The following MRPL46 variants were observed in gnomAD, a reference collection of about 807,000 sequenced individuals.
MRPL46 encodes mitochondrial ribosomal protein L46.
Under a neutral mutation model 31.0 loss-of-function variants are expected in MRPL46, and 26 were observed. The observed-to-expected ratio is 0.84, with a 90% confidence interval of 0.61 to 1.16. The LOEUF (loss-of-function observed/expected upper bound fraction) is 1.16. Among genes scored for constraint, MRPL46 ranks in the 50% most tolerant of loss-of-function variants. The pLI is 0.00. For missense variants in MRPL46, 395 were observed against 340.0 expected (o/e 1.16, Z -1.27); for synonymous variants, 159 against 141.3 (o/e 1.13, Z -0.89).
At chr15:88,464,092 G>C (rs2055500108) in intron 3 of MRPL46, 1 of 152,594 alleles carries the variant, frequency 6.6e-6, no homozygotes, top group African/African-American at 2.4e-5. Context: ...TTACTGCACT[G>C]GGGGTGGGGT....
chr15:88,465,320 C>A, intron 2 of MRPL46: 2 of 432,092 alleles, frequency 4.6e-6, no homozygotes, highest in Non-Finnish European at 8.1e-6. Context: ...CTTCATTTGC[C>A]CCACTCTCAG....
At position 88,459,563 on chromosome 15, in the gene MRPL46, G is replaced by C; in HGVS notation, c.*50C>G. 6.2e-7 allele frequency: 1 copy of C among 1,608,528 alleles called. No individual in the cohort carries two copies. The highest frequency in any genetic ancestry group is 8.5e-7 in the Non-Finnish European group (1 of 1,177,596). ...TGAGGCAATCACACAATGTCCTTGA[G>C]GCTCTAATCCCAGACTTGTCTGAGC... On this transcript the variant is annotated 3_prime_UTR_variant, in exon 4 of 4. Coordinates refer to ENST00000312475, the MANE Select transcript of MRPL46 (RefSeq NM_022163.4).
At chr15:88,460,119 A>G (rs2142194985) in intron 3 of MRPL46, 2 of 488,480 alleles carry the variant, frequency 4.1e-6, no homozygotes, top group Middle Eastern at 1.1e-3. Flanking sequence ...AAAGTCAGCA[A>G]CACAGTTACA....
intron 3 of MRPL46, 116 bp from the exon 4 acceptor site, chr15:88,459,979 A>G (rs2055462524): frequency 1.5e-6 from 2 of 1,294,898 alleles, no homozygotes; most frequent in South Asian, 1.4e-5. Flanking sequence ...GGTAAAATCA[A>G]TCCCTAGGAA....
In MRPL46 at chr15:88,460,070, A is replaced by G. The variant is rs74029890; in HGVS notation, c.590-207T>C. On this transcript the variant is annotated intron_variant, in intron 3 of 3. Transcript: ENST00000312475. ...CTGGCCCATGGAGTCCAGATTCACC[A>G]GGCTCACTCCCATGTGCCAAGCTAC... 5.5e-3 allele frequency: 3,343 copies of G among 604,004 alleles called. 112 individuals carry two copies. The African/African-American group carries it at 0.055, about 10-fold the overall frequency. The allele number at this position is 604,004 out of a possible 1,614,324, so 37.4% of individuals were successfully genotyped here.
chr15:88,467,199 G>C lies in MRPL46; in HGVS notation c.179C>G (p.Ser60Cys). The C allele has an allele frequency of 6.2e-7, 1 of 1,614,160 alleles. No individual in the cohort carries two copies. Among genetic ancestry groups the C allele is most frequent in the Non-Finnish European group, 8.5e-7 (1 of 1,180,014 alleles). The change falls in exon 1 of 4, where the codon TCC (serine) becomes TGC (cysteine). Residue 60 changes from serine to cysteine, a missense_variant. Transcript: ENST00000312475. ...TTCCTGCAATGGGGTCAACGGCTTG[G>C]AGACTACAGGTGGCCGCTGCAGGCA... ...ALCLQRPPVVSKPLTPLQEEM... is the reference protein window; with the variant it reads ...ALCLQRPPVVCKPLTPLQEEM...
At chr15:88,460,296 G>C (rs543880940) in intron 3 of MRPL46, 1 of 178,690 alleles carries the variant, frequency 5.6e-6, no homozygotes, top group South Asian at 1.2e-4. Flanking sequence ...AACTGTTGGT[G>C]AATCAGCCCA....
intron 3 of MRPL46, chr15:88,460,505 C>A (rs956271680): frequency 1.3e-5 from 2 of 152,484 alleles, no homozygotes; most frequent in African/African-American, 4.8e-5. Flanking sequence ...GGGTTAACAA[C>A]CCCAATTCAG....
At chr15:88,461,154 T>C (rs1377244043) in intron 3 of MRPL46, 1 of 152,222 alleles carries the variant, frequency 6.6e-6, no homozygotes, top group African/African-American at 2.4e-5. Flanking sequence ...AAAAGATTTA[T>C]ATTTGTCTAC....
In MRPL46 at chr15:88,463,338, T is replaced by C. The variant is rs2055493879; in HGVS notation, c.589+1365A>G. ...AACAAATGCCTATGTGCCAGGTACT[T>C]TGCTGAAAGCTAGGATCAGAGAGAG... On this transcript the variant is annotated intron_variant, in intron 3 of 3. Transcript: ENST00000312475. The surrounding 1 kb of genome is among the most constrained non-coding windows in gnomAD (Gnocchi z 5.4). 1.3e-5 allele frequency: 2 copies of C among 152,244 alleles called. No homozygotes were observed. The highest frequency in any genetic ancestry group is 1.3e-4 in the Admixed American group (2 of 15,288). 9.4% of individuals were successfully genotyped at this position (152,244 alleles called of 1,614,324 possible).
Position 88,459,514 on chromosome 15 carries a change from G to T in MRPL46, c.*99C>A. 2.6e-6 allele frequency: 4 copies of T among 1,519,140 alleles called. No homozygotes were observed. Among genetic ancestry groups the T allele is most frequent in the Non-Finnish European group, 2.7e-6 (3 of 1,118,016 alleles). 94.1% of individuals were successfully genotyped at this position (1,519,140 alleles called of 1,614,324 possible). A position where few individuals can be genotyped will look rare whatever the true frequency, so the allele number is the denominator to read the frequency against. ...TCGTTTATTTCTCAGAATTTAGTTT[G>T]CTGCTTGATATTACCTGCAAATGTG... On this transcript the variant is annotated 3_prime_UTR_variant, in exon 4 of 4. Transcript: ENST00000312475.
intron 2 of MRPL46, 29 bp downstream of exon 2, chr15:88,465,558 C>T (rs1486607282): frequency 1.3e-6 from 2 of 1,517,982 alleles, no homozygotes; most frequent in Non-Finnish European, 1.8e-6. Flanking sequence ...CTTTTCCCTT[C>T]CTTCTGGCTG....
chr15:88,463,459 G>T lies in MRPL46; in HGVS notation c.589+1244C>A, dbSNP rs2055494601. 6.6e-6 allele frequency: 1 copy of T among 152,338 alleles called. No individual in the cohort carries two copies. The highest frequency in any genetic ancestry group is 1.9e-4 in the East Asian group (1 of 5,188). 9.4% of individuals were successfully genotyped at this position (152,338 alleles called of 1,614,324 possible). A position where few individuals can be genotyped will look rare whatever the true frequency, so the allele number is the denominator to read the frequency against. ...TTATAGTGCAATGGCATAAGTGAAA[G>T]AATGTATTCTCCACTAGAACACAAG... On this transcript the variant is annotated intron_variant, in intron 3 of 3. Transcript: ENST00000312475. This position sits in a 1 kb window ranked among gnomAD's most constrained non-coding sequence, Gnocchi z 5.4.
Position 88,459,709 on chromosome 15 carries a change from A to C in MRPL46, c.744T>G (p.Asn248Lys). 1 of 1,614,192 alleles carries C rather than the reference A, an allele frequency of 6.2e-7. No homozygotes were observed. Among genetic ancestry groups the C allele is most frequent in the Admixed American group, 1.7e-5 (1 of 60,028 alleles). ...TAGTGACCCACACATGATGGCCCTT[A>C]TTCCCAGCCTGGGAAAAGTCTCCAG... Reference protein sequence around the residue: ...LLTGDFSQAGNKGHHVWVTKD... With the variant: ...LLTGDFSQAGKKGHHVWVTKD... Residue 248 changes from asparagine to lysine, a missense_variant, in exon 4 of 4, where the codon AAT becomes AAG. Transcript: ENST00000312475.
chr15:88,464,691 C>A lies in MRPL46; in HGVS notation c.589+12G>T, dbSNP rs113260309. The A allele has an allele frequency of 5.8e-5, 93 of 1,608,368 alleles. No individual in the cohort carries two copies. The African/African-American group carries it at 9.8e-4, about 17-fold the overall frequency. On this transcript the variant is annotated intron_variant, in intron 3 of 3. Coordinates refer to ENST00000312475, the MANE Select transcript of MRPL46 (RefSeq NM_022163.4). Reference sequence around the variant, plus strand: ...GAATTTTGTGGAATTTAGAGGAAGGCAGAAAACCCACCTGAGAGTGTGGCC... The same window carrying A: ...GAATTTTGTGGAATTTAGAGGAAGGAAGAAAACCCACCTGAGAGTGTGGCC...
rs780137217 is a variant in MRPL46 at position 88,467,180 on chromosome 15, C to T, written c.198G>A (p.Leu66=). ...PPVVSKPLTP[L]QEEMASLLQQ... is the part of the protein sequence containing the mutation. ...GCAGTAGAGACGCCATCTCTTCCTG[C>T]AATGGGGTCAACGGCTTGGAGACTA... Residue 66 remains leucine, a synonymous_variant, in exon 1 of 4, where the codon TTG becomes TTA. Coordinates refer to ENST00000312475, the MANE Select transcript of MRPL46 (RefSeq NM_022163.4). 1 of 1,614,142 alleles carries T rather than the reference C, an allele frequency of 6.2e-7. No homozygotes were observed. Among genetic ancestry groups the T allele is most frequent in the East Asian group, 2.2e-5 (1 of 44,880 alleles).
Position 88,467,323 on chromosome 15 carries a change from ACCG to A in MRPL46, c.52_54del (p.Arg18del). ...AGACTGCCGGCCCAGAGCCTCTCGA[ACCG>A]CCGCCAACCCCCCGCCACCCCTAAC... is the stretch of plus-strand genomic sequence containing the variant. On this transcript the variant is annotated inframe_deletion, in exon 1 of 4. Coordinates refer to ENST00000312475, the MANE Select transcript of MRPL46 (RefSeq NM_022163.4). 2.5e-6 allele frequency: 4 copies of A among 1,605,952 alleles called. No individual in the cohort carries two copies. Among genetic ancestry groups the A allele is most frequent in the Non-Finnish European group, 3.4e-6 (4 of 1,176,342 alleles).
rs774885677 is a variant in MRPL46, at chr15:88,467,161, G to A, written c.217C>T (p.Leu73=). ...CATCTCAGTCCCACCTGCTGCAGTA[G>A]AGACGCCATCTCTTCCTGCAATGGG... ...LTPLQEEMAS[L]LQQIEIERSL... Residue 73 remains leucine, a synonymous_variant, in exon 1 of 4, where the codon CTA becomes TTA. Coordinates refer to ENST00000312475, the MANE Select transcript of MRPL46 (RefSeq NM_022163.4). 1.9e-6 allele frequency: 3 copies of A among 1,613,930 alleles called. No homozygotes were observed. The highest frequency in any genetic ancestry group is 3.3e-5 in the Admixed American group (2 of 60,026).
intron 1 of MRPL46, 75 bp from the exon 2 acceptor site, chr15:88,465,848 A>C: frequency 7.2e-7 from 1 of 1,385,094 alleles, no homozygotes; most frequent in Non-Finnish European, 9.6e-7. Context: ...GGAAGAATAA[A>C]ACAGAGACAT....
Sources: gnomAD v4.1 joint callset for allele counts on GRCh38, gnomAD v4.1.1 for gene constraint, Gnocchi (gnomAD v3.1) non-coding constraint, MANE v1.5 for transcripts, NCBI Gene and HGNC (gene_info 2026-07-23, HGNC 2026-07-21) for gene names.